Variants in TRABD2B observed in about 807,000 individuals in gnomAD.
TRABD2B encodes the protein metalloprotease TIKI2.
TRABD2B carries 14 observed loss-of-function variants against 40.1 expected under a neutral mutation model. That is an observed-to-expected ratio of 0.35 (90% CI 0.23 to 0.55). TRABD2B has a LOEUF of 0.55. TRABD2B is among the 20% of genes least tolerant of loss of function. The pLI is 0.90. For synonymous variants in TRABD2B, 263 were observed against 277.0 expected, an observed-to-expected ratio of 0.95 and a Z score of 0.50; for missense variants, 541 against 648.6, an observed-to-expected ratio of 0.83 and a Z score of 1.80.
rs1281028842 is a variant in TRABD2B, at chr1:47,794,740, G to A, written c.834C>T (p.Thr278=). ...DTSQLPNFIN[T]TLPPHEQVTA... ...TCACCTGCTCGTGTGGCGGGAGGGT[G>A]GTGTTGATAAAGTTGGGCAGCTGCA... The change falls in exon 4 of 7, where the codon ACC becomes ACT. Residue 278 remains threonine (T), a synonymous_variant. Coordinates refer to ENST00000606738, the MANE Select transcript of TRABD2B (RefSeq NM_001194986.2). 1 of 1,532,792 alleles carries A rather than the reference G, an allele frequency of 6.5e-7. No homozygotes were observed. The highest frequency in any genetic ancestry group is 1.4e-5 in the African/African-American group (1 of 72,678). The allele number at this position is 1,532,792 out of a possible 1,614,324, so 94.9% of individuals were successfully genotyped here. A position where few individuals can be genotyped will look rare whatever the true frequency, so the allele number is the denominator to read the frequency against.
intron 3 of TRABD2B, among the ~76,000 whole-genome samples, chr1:47,795,445 C>T (rs1569960195): frequency 6.6e-6 from 1 of 152,202 alleles, no homozygotes; most frequent in African/African-American, 2.4e-5. Context: ...CTGGCAAGTA[C>T]AAGGAATTTA....
chr1:47,923,827 G>A (rs1015993401), intron 2 of TRABD2B, among the ~76,000 whole-genome samples: 11 of 151,832 alleles, frequency 7.2e-5, no homozygotes, highest in African/African-American at 2.7e-4. Flanking sequence ...GGTCTACCCT[G>A]AAGACTGTGG....
chr1:47,943,748 C>T (rs1645219243), intron 2 of TRABD2B, among the ~76,000 whole-genome samples: 1 of 131,214 alleles, frequency 7.6e-6, no homozygotes, highest in African/African-American at 2.9e-5. Context: ...ACGTGAGATG[C>T]ATCCAGAAAA....
chr1:47,960,700 G>T (rs897289940), intron 2 of TRABD2B, among the ~76,000 whole-genome samples: 5 of 152,178 alleles, frequency 3.3e-5, no homozygotes, highest in Non-Finnish European at 7.4e-5. Flanking sequence ...CACTGCTCAA[G>T]GAAATAAAAG....
intron 2 of TRABD2B, among the ~76,000 whole-genome samples, chr1:47,856,681 T>C (rs1643894674): frequency 1.3e-5 from 2 of 152,224 alleles, no homozygotes; most frequent in Admixed American, 1.3e-4. Context: ...TTACACACTG[T>C]CCACACACAG....
intron 2 of TRABD2B, among the ~76,000 whole-genome samples, chr1:47,839,548 T>C (rs1192534217): frequency 6.6e-6 from 1 of 152,178 alleles, no homozygotes; most frequent in African/African-American, 2.4e-5. Context: ...TCTGGATCCC[T>C]GCCATCCACG....
At chr1:47,952,604 A>T (rs1183480662) in intron 2 of TRABD2B, among the ~76,000 whole-genome samples, 1 of 151,610 alleles carries the variant, frequency 6.6e-6, no homozygotes, top group African/African-American at 2.4e-5. Flanking sequence ...CCTCGAGCAC[A>T]CCTCTCCCTC....
intron 3 of TRABD2B, among the ~76,000 whole-genome samples, chr1:47,795,993 T>C (rs967366986): frequency 4.6e-5 from 7 of 152,014 alleles, no homozygotes; most frequent in Non-Finnish European, 8.8e-5. Context: ...GACAGAGCTT[T>C]TGTCATTCCT....
intron 2 of TRABD2B, among the ~76,000 whole-genome samples, chr1:47,951,411 T>C (rs1645342307): frequency 6.6e-6 from 1 of 152,200 alleles, no homozygotes; most frequent in African/African-American, 2.4e-5. Context: ...TAAACCTTGG[T>C]GAGCTCAGAG....
chr1:47,926,565 A>G (rs1644971820), intron 2 of TRABD2B, among the ~76,000 whole-genome samples: 1 of 152,160 alleles, frequency 6.6e-6, no homozygotes, highest in Admixed American at 6.5e-5. Flanking sequence ...CTCCCTTGGC[A>G]TCCACCTAGA....
chr1:47,951,405 C>T (rs1334913191), intron 2 of TRABD2B, among the ~76,000 whole-genome samples: 1 of 152,164 alleles, frequency 6.6e-6, no homozygotes, highest in Non-Finnish European at 1.5e-5. Flanking sequence ...AATAAATAAA[C>T]CTTGGTGAGC....
At chr1:47,794,276 G>A (rs1389928115) in intron 4 of TRABD2B, among the ~76,000 whole-genome samples, 1 of 152,196 alleles carries the variant, frequency 6.6e-6, no homozygotes, top group Non-Finnish European at 1.5e-5. Flanking sequence ...CTGAGGCTGG[G>A]CTGGGCAGTG....
intron 2 of TRABD2B, among the ~76,000 whole-genome samples, chr1:47,869,733 T>C (rs884133): frequency 0.36 from 54,953 of 152,048 alleles, 10,110 homozygotes; most frequent in East Asian, 0.49. Flanking sequence ...CAAAATCGCA[T>C]TGCCTTTGAG....
At chr1:47,942,420 T>G (rs1645200617) in intron 2 of TRABD2B, among the ~76,000 whole-genome samples, 1 of 152,090 alleles carries the variant, frequency 6.6e-6, no homozygotes, top group African/African-American at 2.4e-5. Context: ...GCTGCAGTGT[T>G]TATACATTTG....
chr1:47,981,099 C>G (rs776260090), intron 2 of TRABD2B, among the ~76,000 whole-genome samples: 2 of 152,086 alleles, frequency 1.3e-5, no homozygotes, highest in Admixed American at 6.5e-5. Context: ...ACCTCTGCCT[C>G]CAGGGTTCAG....
At chr1:47,993,943 TC>T (rs757997110) in intron 2 of TRABD2B, 90 bp downstream of exon 2, 8 of 1,319,342 alleles carry the variant, frequency 6.1e-6, no homozygotes, top group Non-Finnish European at 8.1e-6. Flanking sequence ...TCTGGCTGCC[TC>T]CCCCTCCCCC....
chr1:47,770,593 G>A (rs1403097286), intron 6 of TRABD2B, among the ~76,000 whole-genome samples: 7 of 152,252 alleles, frequency 4.6e-5, no homozygotes, highest in South Asian at 2.1e-4. Context: ...GACTTACCAA[G>A]ATCACTCAGG....
At chr1:47,944,756 G>A (rs1645237376) in intron 2 of TRABD2B, among the ~76,000 whole-genome samples, 1 of 152,160 alleles carries the variant, frequency 6.6e-6, no homozygotes, top group Non-Finnish European at 1.5e-5. Context: ...GAAGGCAGAT[G>A]TAAGCAGCTC....
intron 2 of TRABD2B, among the ~76,000 whole-genome samples, chr1:47,865,029 G>A (rs1644035092): frequency 6.6e-6 from 1 of 151,858 alleles, no homozygotes; most frequent in Non-Finnish European, 1.5e-5. Context: ...GTTGGGGTGG[G>A]GTGGGGTGGG....
Sources: allele counts gnomAD v4.1 joint callset (sites outside exome capture counted in the v4.1 genomes callset), GRCh38; gene constraint gnomAD v4.1.1; transcripts MANE v1.5; gene names NCBI Gene and HGNC (gene_info 2026-07-23, HGNC 2026-07-21).